The following NUP160 variants were observed in gnomAD, a reference collection of about 807,000 sequenced individuals.
NUP160 encodes nuclear pore complex protein Nup160.
In NUP160, 94 loss-of-function variants were observed where a neutral mutation model predicts 196.9. The observed-to-expected ratio is 0.48, with a 90% CI of 0.40 to 0.57. The LOEUF (loss-of-function observed/expected upper bound fraction) is 0.57, where lower values mean the gene tolerates loss of function less well. Among genes scored for constraint, NUP160 ranks in the 20% least tolerant of loss-of-function variants. The pLI is 0.00. For synonymous variants in NUP160, 605 were observed against 619.7 expected, an observed-to-expected ratio of 0.98 and a Z score of 0.35; for missense variants, 1,638 against 1,748.3, an observed-to-expected ratio of 0.94 and a Z score of 1.13.
chr11:47,809,734 C>CAAAAAAAAAA (rs779243939), intron 17 of NUP160, among the ~76,000 whole-genome samples: 3 of 47,904 alleles, frequency 6.3e-5, no homozygotes, highest in African/African-American at 9.8e-5. Flanking sequence ...GCAAGACTCT[C>CAAAAAAAAAA]AAAAAAAAAA....
chr11:47,814,385 A>G (rs1164054870), intron 13 of NUP160, among the ~76,000 whole-genome samples: 2 of 152,018 alleles, frequency 1.3e-5, no homozygotes, highest in East Asian at 1.9e-4. Flanking sequence ...TCTATTAAAA[A>G]TACAAAACTA....
chr11:47,841,153 T>C (rs1379932854), intron 2 of NUP160, among the ~76,000 whole-genome samples: 2 of 152,200 alleles, frequency 1.3e-5, no homozygotes, highest in Non-Finnish European at 2.9e-5. Context: ...TACTAAGCTA[T>C]TCTAACTTTC....
intron 2 of NUP160, chr11:47,841,424 G>C (rs538319599): frequency 4.6e-5 from 21 of 453,240 alleles, no homozygotes; most frequent in African/African-American, 3.7e-4. Flanking sequence ...ATCTCCACTT[G>C]GTTCACAGGC....
intron 7 of NUP160, among the ~76,000 whole-genome samples, chr11:47,822,816 G>A (rs7948468): frequency 0.58 from 88,006 of 151,920 alleles, 25,762 homozygotes; most frequent in Admixed American, 0.64. Flanking sequence ...GAGAACACGT[G>A]GTGTTTGGTT....
intron 11 of NUP160, 36 bp downstream of exon 11, chr11:47,818,020 A>G: frequency 2.3e-6 from 3 of 1,309,530 alleles, no homozygotes; most frequent in South Asian, 1.3e-5. Flanking sequence ...AAAATAAGAA[A>G]TAGTCTTAAA....
intron 29 of NUP160, among the ~76,000 whole-genome samples, chr11:47,791,315 C>T (rs905892038): frequency 1.3e-5 from 2 of 152,278 alleles, no homozygotes; most frequent in African/African-American, 2.4e-5. Context: ...TCCAGCGTCA[C>T]TAGTGACACT....
At chr11:47,788,928 G>C (rs891159032) in intron 29 of NUP160, among the ~76,000 whole-genome samples, 2 of 151,160 alleles carry the variant, frequency 1.3e-5, no homozygotes, top group Admixed American at 6.6e-5. Context: ...CCAGGCTGGA[G>C]TGCAGTGGCA....
intron 2 of NUP160, among the ~76,000 whole-genome samples, chr11:47,843,583 A>AT (rs1334660080): frequency 1.3e-5 from 2 of 152,164 alleles, no homozygotes; most frequent in African/African-American, 2.4e-5. Flanking sequence ...ATTCACCAGG[A>AT]TATTAAGCAA....
intron 6 of NUP160, 43 bp from the exon 7 acceptor site, chr11:47,835,852 C>G: frequency 6.8e-7 from 1 of 1,462,194 alleles, no homozygotes; most frequent in South Asian, 1.4e-5. Flanking sequence ...AAGGGATATT[C>G]AGGCTAGAAG....
chr11:47,815,750 C>A, intron 12 of NUP160, 101 bp from the exon 13 acceptor site: 1 of 1,065,878 alleles, frequency 9.4e-7, no homozygotes, highest in Non-Finnish European at 1.4e-6. Flanking sequence ...AAGCTACAGC[C>A]AAATGAATAT....
intron 2 of NUP160, among the ~76,000 whole-genome samples, chr11:47,845,531 G>GGTCTGGA (rs1441031754): frequency 6.6e-6 from 1 of 152,124 alleles, no homozygotes; most frequent in Non-Finnish European, 1.5e-5. Flanking sequence ...CCTCCCTTGG[G>GGTCTGGA]GTCTGGATCG....
intron 23 of NUP160, among the ~76,000 whole-genome samples, chr11:47,799,450 C>T (rs1007030799): frequency 6.6e-6 from 1 of 152,072 alleles, no homozygotes; most frequent in African/African-American, 2.4e-5. Context: ...TGCACATTTC[C>T]CTATCTCATA....
intron 2 of NUP160, chr11:47,841,625 G>A: frequency 2.4e-6 from 1 of 423,362 alleles, no homozygotes; most frequent in East Asian, 6.4e-5. Flanking sequence ...ATGTGATCCT[G>A]GAACGTGCTC....
chr11:47,780,149 T>C (rs965630458), intron 35 of NUP160, among the ~76,000 whole-genome samples, 194 bp downstream of exon 35: 1 of 152,184 alleles, frequency 6.6e-6, no homozygotes, highest in Non-Finnish European at 1.5e-5. Flanking sequence ...ACTTACACAG[T>C]TCCTCATTAT....
Position 47,804,536 on chromosome 11 carries a change from C to A in NUP160, c.2676+13G>T. 6.6e-7 allele frequency: 1 copy of A among 1,513,074 alleles called. No homozygotes were observed. Among genetic ancestry groups the A allele is most frequent in the Admixed American group, 2.4e-5 (1 of 41,342 alleles). The allele number at this position is 1,513,074 out of a possible 1,614,324, so 93.7% of individuals were successfully genotyped here. ...CAAGAATGTGTAGACATGAAATGTTCAAAGGAACTCACCTGCAATTGTACA... is the reference window on the plus strand; with the variant it reads ...CAAGAATGTGTAGACATGAAATGTTAAAAGGAACTCACCTGCAATTGTACA... On this transcript the variant is annotated intron_variant, in intron 21 of 35. Coordinates refer to ENST00000378460, the Ensembl canonical transcript of NUP160.
At chr11:47,784,880 A>G in intron 33 of NUP160, 42 bp downstream of exon 33, 3 of 1,441,348 alleles carry the variant, frequency 2.1e-6, no homozygotes, top group Non-Finnish European at 2.8e-6. Context: ...CCAGAATGAT[A>G]AAGAGTGGGT....
intron 10 of NUP160, among the ~76,000 whole-genome samples, chr11:47,818,893 G>T (rs1851795422): frequency 6.6e-6 from 1 of 152,104 alleles, no homozygotes; most frequent in South Asian, 2.1e-4. Flanking sequence ...TAAGATTTTT[G>T]AAGTATGTTT....
At chr11:47,788,224 A>G (rs2097665789) in exon 31 of NUP160, 5 of 1,613,934 alleles carry the variant, frequency 3.1e-6, no homozygotes, top group Non-Finnish European at 3.4e-6. Flanking sequence ...GGGAAGCTTA[A>G]AAGTCTGACA....
chr11:47,824,494 C>T (rs1313587429), intron 7 of NUP160, among the ~76,000 whole-genome samples: 2 of 151,688 alleles, frequency 1.3e-5, no homozygotes, highest in Non-Finnish European at 2.9e-5. Context: ...CCTGTAGTCC[C>T]AGCTATTCGA....
Sources: allele counts gnomAD v4.1 joint callset (sites outside exome capture counted in the v4.1 genomes callset), GRCh38; gene constraint gnomAD v4.1.1; transcripts MANE v1.5; gene names NCBI Gene and HGNC (gene_info 2026-07-23, HGNC 2026-07-21).